The following PMS1 variants were observed in gnomAD, a reference collection of about 807,000 sequenced individuals.
The protein encoded by PMS1 is PMS1 protein homolog 1.
Under a neutral mutation model 93.1 loss-of-function variants are expected in PMS1, and 79 were observed. That is an observed-to-expected ratio of 0.85 (90% CI 0.71 to 1.02). PMS1 has a LOEUF of 1.02. Ranked by LOEUF, PMS1 falls within the 50% of genes least tolerant of loss-of-function variation. The probability of loss-of-function intolerance (pLI) is 0.00; values close to 1 mark genes in which losing one functional copy is unlikely to be tolerated. For missense variants in PMS1, 1,064 were observed against 1,085.3 expected (o/e 0.98, Z 0.28); for synonymous variants, 335 against 363.4 (o/e 0.92, Z 0.89).
At chr2:189,836,310 G>T (rs1180668710) in intron 5 of PMS1, among the ~76,000 whole-genome samples, 1 of 152,166 alleles carries the variant, frequency 6.6e-6, no homozygotes, top group African/African-American at 2.4e-5. Flanking sequence ...ATATTTTTGA[G>T]GTGTTTTTGC....
intron 7 of PMS1, 33 bp downstream of exon 7, chr2:189,852,810 A>G: frequency 7.0e-7 from 1 of 1,421,418 alleles, no homozygotes; most frequent in Non-Finnish European, 9.9e-7. Flanking sequence ...AATTATTTGA[A>G]TTGGAAATTT....
intron 5 of PMS1, among the ~76,000 whole-genome samples, chr2:189,827,545 A>G (rs372051664): frequency 9.2e-5 from 14 of 152,250 alleles, no homozygotes; most frequent in African/African-American, 2.9e-4. Flanking sequence ...TGCAATAAAC[A>G]TGGTTATGCA....
intron 7 of PMS1, among the ~76,000 whole-genome samples, chr2:189,853,723 G>A (rs926466666): frequency 6.6e-6 from 1 of 151,676 alleles, no homozygotes; most frequent in African/African-American, 2.4e-5. Context: ...CATCATGTTG[G>A]CCAGGCTGGT....
At chr2:189,792,622 A>G (rs2106216541) in intron 2 of PMS1, among the ~76,000 whole-genome samples, 1 of 148,968 alleles carries the variant, frequency 6.7e-6, no homozygotes, top group East Asian at 2.0e-4. Flanking sequence ...TAGGAAAGGG[A>G]CCTAACTTTT....
intron 7 of PMS1, among the ~76,000 whole-genome samples, chr2:189,853,607 C>G (rs999858089): frequency 5.3e-5 from 8 of 151,742 alleles, no homozygotes; most frequent in African/African-American, 1.7e-4. Flanking sequence ...CCTCCATCTC[C>G]CAGGTTCAAG....
intron 5 of PMS1, among the ~76,000 whole-genome samples, chr2:189,834,255 G>A (rs1472507082): frequency 6.6e-6 from 1 of 152,186 alleles, no homozygotes; most frequent in East Asian, 1.9e-4. Context: ...GGTATTCAAA[G>A]CAGGGAGAAC....
In PMS1 at chr2:189,791,831, A is replaced by G. The variant is rs777641087; in HGVS notation, c.22A>G (p.Thr8Ala). 8 of 1,614,050 alleles carry G rather than the reference A, an allele frequency of 5.0e-6. No individual in the cohort carries two copies. Among genetic ancestry groups the G allele is most frequent in the African/African-American group, 2.7e-5 (2 of 75,058 alleles). ...GAAAATGAAACAATTGCCTGCGGCA[A>G]CAGTTCGACTCCTTTCAAGTTCTCA... Reference protein sequence around the residue: MKQLPAATVRLLSSSQII... With the variant: MKQLPAAAVRLLSSSQII... Residue 8 changes from threonine (T) to alanine (A), a missense_variant, in exon 2 of 13, where the codon ACA becomes GCA. By Grantham distance (58) the Thr-to-Ala change is moderately conservative (BLOSUM62 0). Transcript: ENST00000441310.
chr2:189,820,465 T>C (rs1429230748), intron 5 of PMS1, among the ~76,000 whole-genome samples: 1 of 152,026 alleles, frequency 6.6e-6, no homozygotes, highest in Admixed American at 6.6e-5. Flanking sequence ...GCCTGGCTCA[T>C]TTTTAATTTT....
At chr2:189,815,505 A>G (rs2051217015) in intron 4 of PMS1, among the ~76,000 whole-genome samples, 3 of 152,152 alleles carry the variant, frequency 2.0e-5, no homozygotes, top group Admixed American at 2.0e-4. Flanking sequence ...GGTTTTTATA[A>G]GTATTTGACA....
At chr2:189,817,552 G>T (rs2051428442) in intron 4 of PMS1, among the ~76,000 whole-genome samples, 3 of 152,036 alleles carry the variant, frequency 2.0e-5, no homozygotes, top group Non-Finnish European at 4.4e-5. Context: ...GTTATCCTGT[G>T]TTTTTGAATG....
intron 2 of PMS1, among the ~76,000 whole-genome samples, chr2:189,792,688 A>AATATATATATATATATATATATATAT (rs3067428): frequency 7.9e-6 from 1 of 127,258 alleles, no homozygotes; most frequent in African/African-American, 2.9e-5. Flanking sequence ...TATGGACACA[A>AATATATATATATATATATATATATAT]ATATATATAT....
intron 5 of PMS1, among the ~76,000 whole-genome samples, chr2:189,830,114 G>A (rs1026008352): frequency 1.3e-5 from 2 of 152,138 alleles, no homozygotes; most frequent in South Asian, 4.1e-4. Context: ...TGGTAAATAT[G>A]TTAGGTTTTT....
intron 2 of PMS1, among the ~76,000 whole-genome samples, chr2:189,794,199 G>A (rs958483725): frequency 2.0e-5 from 3 of 152,100 alleles, no homozygotes; most frequent in South Asian, 2.1e-4. Flanking sequence ...TGTAACCTCC[G>A]TCTCCCGGTC....
At chr2:189,874,791 G>A (rs574840433) in intron 12 of PMS1, among the ~76,000 whole-genome samples, 3 of 151,946 alleles carry the variant, frequency 2.0e-5, no homozygotes, top group Non-Finnish European at 2.9e-5. Flanking sequence ...CCTATTGTGC[G>A]GGTAGCTTAA....
At chr2:189,820,461 C>A (rs903484324) in intron 5 of PMS1, among the ~76,000 whole-genome samples, 2 of 152,042 alleles carry the variant, frequency 1.3e-5, no homozygotes, top group African/African-American at 2.4e-5. Flanking sequence ...CCATGCCTGG[C>A]TCATTTTTAA....
chr2:189,865,233 C>T (rs961339091), intron 10 of PMS1, among the ~76,000 whole-genome samples: 1 of 152,004 alleles, frequency 6.6e-6, no homozygotes, highest in Non-Finnish European at 1.5e-5. Flanking sequence ...TAAACAAGAT[C>T]CACATACTAC....
intron 4 of PMS1, among the ~76,000 whole-genome samples, chr2:189,811,692 A>G (rs1157642629): frequency 6.6e-6 from 1 of 152,236 alleles, no homozygotes; most frequent in Non-Finnish European, 1.5e-5. Flanking sequence ...CACATACCAA[A>G]GAGTGAACAG....
At chr2:189,822,693 G>A (rs112074946) in intron 5 of PMS1, among the ~76,000 whole-genome samples, 1 of 152,172 alleles carries the variant, frequency 6.6e-6, no homozygotes, top group African/African-American at 2.4e-5. Context: ...AAAGCAGCTC[G>A]GCTAATTGTT....
At chr2:189,798,847 C>T (rs2049608456) in intron 3 of PMS1, among the ~76,000 whole-genome samples, 1 of 147,438 alleles carries the variant, frequency 6.8e-6, no homozygotes, top group South Asian at 2.1e-4. Context: ...GATAATTTGG[C>T]ATTTCTGTAT....
Sources: allele counts gnomAD v4.1 joint callset (sites outside exome capture counted in the v4.1 genomes callset), GRCh38; gene constraint gnomAD v4.1.1; transcripts MANE v1.5; gene names NCBI Gene and HGNC (gene_info 2026-07-23, HGNC 2026-07-21).